Variants in MATN3 observed in about 807,000 individuals in gnomAD.
The protein encoded by MATN3 is matrilin-3.
In MATN3, 48 loss-of-function variants were observed where a neutral mutation model predicts 45.3. The ratio of observed to expected loss-of-function variants is 1.06; its 90% confidence interval spans 0.84 to 1.35. MATN3 has a LOEUF of 1.35. Ranked by LOEUF, MATN3 falls within the 40% of genes most tolerant of loss-of-function variation. MATN3 has a pLI of 0.00. For missense variants in MATN3, 599 were observed against 628.0 expected (o/e 0.95, Z 0.49); for synonymous variants, 217 against 245.9 (o/e 0.88, Z 1.10).
chr2:20,000,552 C>T lies in MATN3; in HGVS notation c.1057G>A (p.Ala353Thr). The T allele has an allele frequency of 6.2e-7, 1 of 1,608,822 alleles. No individual in the cohort carries two copies. The highest frequency in any genetic ancestry group is 8.5e-7 in the Non-Finnish European group (1 of 1,178,432). The change falls in exon 5 of 8, where the codon GCT (alanine) becomes ACT (threonine). Residue 353 changes from alanine to threonine, a missense_variant. Transcript: ENST00000407540. The part of the protein sequence containing the change: ...RKTCSAQDKC[A>T]LGTHGCQHIC... ...TGCTGACACCCATGGGTACCCAAAGCACATTTATCTTGAGCTGTGAAACAA... is the reference window on the plus strand; with the variant it reads ...TGCTGACACCCATGGGTACCCAAAGTACATTTATCTTGAGCTGTGAAACAA...
chr2:20,008,203 T>TCCTCCTGAGTGCTTGG (rs1242593609), intron 1 of MATN3, among the ~76,000 whole-genome samples: 6 of 152,332 alleles, frequency 3.9e-5, no homozygotes, highest in Non-Finnish European at 5.9e-5. Context: ...CCTCAGGTGA[T>TCCTCCTGAGTGCTTGG]CCTCCCACCT....
At position 20,005,830 on chromosome 2, in the gene MATN3, C is replaced by A. The variant is rs1220091644; in HGVS notation, c.704G>T (p.Ser235Ile). The change falls in exon 2 of 8, where the codon AGT becomes ATT. Residue 235 changes from serine to isoleucine, a missense_variant. Transcript: ENST00000407540. ...GAAAACATGCTCCTCTAGGGGCTCA[C>A]TGGCCATCATCTTGAGGGACGCCAT... ...ADMASLKMMA[S>I]EPLEEHVFYV... 1.9e-6 allele frequency: 3 copies of A among 1,610,668 alleles called. No individual in the cohort carries two copies. The highest frequency in any genetic ancestry group is 1.1e-5 in the South Asian group (1 of 90,324).
intron 1 of MATN3, among the ~76,000 whole-genome samples, chr2:20,007,366 T>C (rs1026313378): frequency 2.7e-5 from 4 of 150,110 alleles, no homozygotes; most frequent in African/African-American, 9.8e-5. Context: ...CTGTCTCTAC[T>C]AAAAATACAA....
Position 20,010,342 on chromosome 2 carries a change from G to C in MATN3, c.223+2067C>G, listed in dbSNP as rs576076470. 1.3e-4 allele frequency among the ~76,000 whole-genome samples: 20 copies of C among 152,208 alleles called. No homozygotes were observed. The South Asian group carries it at 1.5e-3, about 11-fold the overall frequency. ...GCATGATTCTTTCCTTCTCCACTTG[G>C]TTATTCACACCGAATCCTCTATTCG... On this transcript the variant is annotated intron_variant, in intron 1 of 7. Transcript: ENST00000407540.
At chr2:20,005,532 T>A (rs1337371570) in intron 2 of MATN3, among the ~76,000 whole-genome samples, 1 of 152,204 alleles carries the variant, frequency 6.6e-6, no homozygotes, top group African/African-American at 2.4e-5. Flanking sequence ...CCAAGTTCCA[T>A]ATAATGCAGC....
Position 20,000,474 on chromosome 2 carries a change from A to G in MATN3, c.1135T>C (p.Tyr379His), listed in dbSNP as rs375580786. The G allele has an allele frequency of 6.2e-7, 1 of 1,612,168 alleles. No individual in the cohort carries two copies. The highest frequency in any genetic ancestry group is 8.5e-7 in the Non-Finnish European group (1 of 1,179,030). ...GSHHCECYEG[Y>H]TLNADKKTCS... is the part of the protein sequence containing the mutation. ...GTTTTTTTATCTGCATTCAGAGTGT[A>G]GCCCTCATAGCATTCACAATGATGG... The change falls in exon 5 of 8, where the codon TAC becomes CAC. Residue 379 changes from tyrosine to histidine, a missense_variant. Transcript: ENST00000407540.
rs1382427692 is a variant in MATN3, at chr2:19,993,201, T to C, written c.1406-35A>G. ...TGTTAAGGCCAACACCATTTATTTT[T>C]ACACATTAGAAAATATAAACACACT... is the stretch of plus-strand genomic sequence containing the variant. On this transcript the variant is annotated intron_variant, in intron 7 of 7. Coordinates refer to ENST00000407540, the MANE Select transcript of MATN3 (RefSeq NM_002381.5). 4 of 1,477,312 alleles carry C rather than the reference T, an allele frequency of 2.7e-6. No homozygotes were observed. In the Admixed American group the frequency reaches 5.1e-5, roughly 19 times the overall value. The allele number at this position is 1,477,312 out of a possible 1,614,324, so 91.5% of individuals were successfully genotyped here. A position where few individuals can be genotyped will look rare whatever the true frequency, so the allele number is the denominator to read the frequency against.
chr2:19,998,902 A>G (rs901365509), intron 5 of MATN3, among the ~76,000 whole-genome samples: 2 of 152,200 alleles, frequency 1.3e-5, no homozygotes, highest in African/African-American at 4.8e-5. Context: ...CACTAGAGGA[A>G]GTACCTGGGT....
At chr2:19,993,888 C>A (rs75669705) in intron 7 of MATN3, among the ~76,000 whole-genome samples, 1 of 152,062 alleles carries the variant, frequency 6.6e-6, no homozygotes, top group Non-Finnish European at 1.5e-5. Context: ...GCTTTTTGAC[C>A]ACTTGGCTAG....
chr2:20,005,848 G>T lies in MATN3; in HGVS notation c.686C>A (p.Ser229Tyr), dbSNP rs773830850. 10 of 1,610,242 alleles carry T rather than the reference G, an allele frequency of 6.2e-6. No homozygotes were observed. The Admixed American group carries it at 1.5e-4, about 24-fold the overall frequency. ...GGGCTCACTGGCCATCATCTTGAGGGACGCCATGTCTGCCCGGTCCACGCC... is the reference window on the plus strand; with the variant it reads ...GGGCTCACTGGCCATCATCTTGAGGTACGCCATGTCTGCCCGGTCCACGCC... The part of the protein sequence containing the change: ...AVGVDRADMA[S>Y]LKMMASEPLE... Residue 229 changes from serine to tyrosine, a missense_variant, in exon 2 of 8, where the codon TCC becomes TAC. Transcript: ENST00000407540.
At chr2:19,993,497 A>G (rs1672799077) in intron 7 of MATN3, among the ~76,000 whole-genome samples, 1 of 152,208 alleles carries the variant, frequency 6.6e-6, no homozygotes, top group Admixed American at 6.5e-5. Context: ...TTGTTTGGCT[A>G]TCTCAAGATT....
chr2:20,009,387 C>T (rs1558376078), intron 1 of MATN3, among the ~76,000 whole-genome samples: 1 of 151,824 alleles, frequency 6.6e-6, no homozygotes, highest in Non-Finnish European at 1.5e-5. Flanking sequence ...GAACAGAAAA[C>T]CAGACACCAC....
intron 6 of MATN3, among the ~76,000 whole-genome samples, chr2:19,994,918 G>C (rs113979090): frequency 6.6e-6 from 1 of 151,920 alleles, no homozygotes; most frequent in African/African-American, 2.4e-5. Context: ...GCAAGGCCCT[G>C]TCTCTACAAA....
intron 5 of MATN3, among the ~76,000 whole-genome samples, chr2:19,999,508 G>T (rs1672943331): frequency 6.6e-6 from 1 of 151,358 alleles, no homozygotes; most frequent in Admixed American, 6.6e-5. Context: ...CCGGCTCTCT[G>T]TTCACCCAGA....
chr2:20,000,198 C>A (rs550139514), intron 5 of MATN3, among the ~76,000 whole-genome samples: 1 of 152,190 alleles, frequency 6.6e-6, no homozygotes, highest in Non-Finnish European at 1.5e-5. Flanking sequence ...AAGGACCCTA[C>A]ATTTAGTTAG....
rs1216059427 is a variant in MATN3, at chr2:19,995,356, G to C, written c.1295-947C>G. Among the ~76,000 whole-genome samples, 1 of 152,074 alleles carries C rather than the reference G, an allele frequency of 6.6e-6. No individual in the cohort carries two copies. The highest frequency in any genetic ancestry group is 2.4e-5 in the African/African-American group (1 of 41,418). ...TAATCCCAGCTACTCGGGAGACTGA[G>C]GCAGGAGGATTGCTTGAACCCGGGA... On this transcript the variant is annotated intron_variant, in intron 6 of 7. Transcript: ENST00000407540. This position sits in a 1 kb window ranked among gnomAD's most constrained non-coding sequence, Gnocchi z 4.2.
intron 2 of MATN3, among the ~76,000 whole-genome samples, chr2:20,005,237 C>T (rs1357443629): frequency 1.3e-5 from 2 of 152,146 alleles, no homozygotes; most frequent in Non-Finnish European, 2.9e-5. Flanking sequence ...AATGCACACT[C>T]GGGCTGACGG....
chr2:20,002,309 T>A lies in MATN3; in HGVS notation c.917-229A>T, dbSNP rs1052232007. On this transcript the variant is annotated intron_variant, in intron 3 of 7. Transcript: ENST00000407540. ...GTTTTTTCCCTTCTGTCCATCTCAA[T>A]TTCATTATCTATAAAATTAAGTTAT... Among the ~76,000 whole-genome samples the A allele has an allele frequency of 2.0e-5, 3 of 152,296 alleles. No homozygotes were observed. In the South Asian group the frequency reaches 6.2e-4, roughly 32 times the overall value.
chr2:19,998,789 T>A (rs924534294), intron 5 of MATN3, among the ~76,000 whole-genome samples: 2 of 151,758 alleles, frequency 1.3e-5, no homozygotes, highest in Non-Finnish European at 2.9e-5. Flanking sequence ...TATATATATA[T>A]AACTAACTTT....
Sources: allele counts gnomAD v4.1 joint callset (sites outside exome capture counted in the v4.1 genomes callset), GRCh38; gene constraint gnomAD v4.1.1; non-coding constraint Gnocchi (gnomAD v3.1); transcripts MANE v1.5; gene names NCBI Gene and HGNC (gene_info 2026-07-23, HGNC 2026-07-21).